The following RERE variants were observed in gnomAD, a reference collection of about 807,000 sequenced individuals.
RERE encodes the protein arginine-glutamic acid dipeptide repeats protein.
In RERE, 40 loss-of-function variants were observed where a neutral mutation model predicts 146.1. That is an observed-to-expected ratio of 0.27 (90% CI 0.21 to 0.36). RERE has a LOEUF of 0.36. RERE is among the 10% of genes least tolerant of loss of function. RERE has a pLI of 1.00. For missense variants in RERE, 1,933 were observed against 2,138.7 expected, an observed-to-expected ratio of 0.90 and a Z score of 1.90; for synonymous variants, 1,003 against 866.0, an observed-to-expected ratio of 1.16 and a Z score of -2.78.
At chr1:8,695,686 G>A (rs1284023540) in intron 1 of RERE, among the ~76,000 whole-genome samples, 1 of 151,708 alleles carries the variant, frequency 6.6e-6, no homozygotes, top group Non-Finnish European at 1.5e-5. Flanking sequence ...CTTGAACCTG[G>A]GAGGTGGAGG....
At chr1:8,455,718 T>C (rs1422956342) in intron 11 of RERE, among the ~76,000 whole-genome samples, 1 of 152,186 alleles carries the variant, frequency 6.6e-6, no homozygotes, top group Admixed American at 6.5e-5. Flanking sequence ...TTATTATCAA[T>C]CCTGCTCCAG....
At chr1:8,738,985 C>T (rs1462465825) in intron 1 of RERE, among the ~76,000 whole-genome samples, 1 of 152,120 alleles carries the variant, frequency 6.6e-6, no homozygotes, top group African/African-American at 2.4e-5. Flanking sequence ...ATCTCTCTCC[C>T]CAAATATGCT....
At chr1:8,408,094 A>G (rs987054304) in intron 12 of RERE, among the ~76,000 whole-genome samples, 1 of 152,296 alleles carries the variant, frequency 6.6e-6, no homozygotes, top group Admixed American at 6.5e-5. Flanking sequence ...GGGAGAACAT[A>G]GCTTCCCCTT....
At chr1:8,530,655 G>A (rs1203780194) in intron 7 of RERE, among the ~76,000 whole-genome samples, 1 of 149,522 alleles carries the variant, frequency 6.7e-6, no homozygotes, top group Non-Finnish European at 1.5e-5. Context: ...CGCATATCTA[G>A]ACATGGAACT....
intron 2 of RERE, among the ~76,000 whole-genome samples, chr1:8,650,921 T>TAAA (rs368854056): frequency 5.5e-5 from 8 of 144,330 alleles, no homozygotes; most frequent in African/African-American, 2.1e-4. Context: ...TTAAATTAAA[T>TAAA]TAAATAAATA....
At chr1:8,527,533 G>A (rs1272504880) in intron 7 of RERE, among the ~76,000 whole-genome samples, 3 of 152,116 alleles carry the variant, frequency 2.0e-5, no homozygotes, top group Non-Finnish European at 1.5e-5. Context: ...ATCAGTCTCT[G>A]AAAGCCCATG....
intron 8 of RERE, among the ~76,000 whole-genome samples, chr1:8,501,001 C>T (rs1645132071): frequency 8.0e-6 from 1 of 124,324 alleles, no homozygotes; most frequent in South Asian, 2.7e-4. Flanking sequence ...AAGTGAGGAG[C>T]GTCTCCGCCC....
chr1:8,770,081 C>T (rs1046297217), intron 1 of RERE, among the ~76,000 whole-genome samples: 2 of 152,098 alleles, frequency 1.3e-5, no homozygotes, highest in African/African-American at 2.4e-5. Flanking sequence ...TGAGCCACCG[C>T]GCCCGGCCAA....
chr1:8,789,301 A>AAAAAAAAAAAATATAT, intron 1 of RERE, among the ~76,000 whole-genome samples: 2 of 24,824 alleles, frequency 8.1e-5, no homozygotes, highest in African/African-American at 4.6e-4. Flanking sequence ...AAAAAAAAAA[A>AAAAAAAAAAAATATAT]ATATATATAT....
intron 1 of RERE, among the ~76,000 whole-genome samples, chr1:8,695,952 T>G (rs1276702013): frequency 2.0e-5 from 3 of 152,044 alleles, no homozygotes; most frequent in Admixed American, 6.5e-5. Flanking sequence ...AAAGAAGACA[T>G]ACAAGTGGCC....
chr1:8,377,235 C>T (rs1642286663), intron 12 of RERE, among the ~76,000 whole-genome samples: 1 of 152,232 alleles, frequency 6.6e-6, no homozygotes, highest in Non-Finnish European at 1.5e-5. Context: ...GCAGTTCCAA[C>T]ACAATTTCAC....
At chr1:8,703,932 G>A (rs1008029099) in intron 1 of RERE, among the ~76,000 whole-genome samples, 1 of 152,180 alleles carries the variant, frequency 6.6e-6, no homozygotes, top group East Asian at 1.9e-4. Context: ...CAAGCCATTT[G>A]TTTAAAAATC....
intron 7 of RERE, chr1:8,525,733 G>A (rs1432360650): frequency 8.2e-6 from 13 of 1,580,754 alleles, no homozygotes; most frequent in Admixed American, 5.6e-5. Flanking sequence ...TCACTGTTTC[G>A]GTGAGGCCAG....
At chr1:8,576,652 TA>T (rs993321851) in intron 4 of RERE, among the ~76,000 whole-genome samples, 8 of 152,124 alleles carry the variant, frequency 5.3e-5, no homozygotes, top group South Asian at 2.1e-4. Context: ...AAAACCATAA[TA>T]AAAAAATGCA....
chr1:8,590,943 A>T lies in RERE; in HGVS notation c.522+23618T>A, dbSNP rs77213025. 31 of 152,376 alleles carry T rather than the reference A, an allele frequency of 2.0e-4. No homozygotes were observed. The East Asian group carries it at 5.8e-3, about 28-fold the overall frequency. 9.4% of individuals were successfully genotyped at this position (152,376 alleles called of 1,614,324 possible). A position where few individuals can be genotyped will look rare whatever the true frequency, so the allele number is the denominator to read the frequency against. ...AGCTGAAGAACTGCTGAGTAGAAAG[A>T]GTCTGCAAACTATCCCGACTGCACT... On this transcript the variant is annotated intron_variant, in intron 4 of 22. Transcript: ENST00000400908.
intron 11 of RERE, 131 bp downstream of exon 11, chr1:8,465,794 C>G (rs1257572964): frequency 5.3e-6 from 4 of 748,102 alleles, no homozygotes; most frequent in Non-Finnish European, 9.5e-6. Flanking sequence ...ATCCTCCTGC[C>G]TGGCGCTGCC....
At chr1:8,631,517 G>A (rs1647035195) in intron 2 of RERE, among the ~76,000 whole-genome samples, 1 of 152,176 alleles carries the variant, frequency 6.6e-6, no homozygotes, top group South Asian at 2.1e-4. Context: ...GAACTCTGTG[G>A]AACAAGAAAA....
At chr1:8,701,374 C>T (rs1461599949) in intron 1 of RERE, among the ~76,000 whole-genome samples, 1 of 151,582 alleles carries the variant, frequency 6.6e-6, no homozygotes, top group Non-Finnish European at 1.5e-5. Flanking sequence ...TAATCACAAC[C>T]ATGTAGATTG....
Position 8,527,570 on chromosome 1 carries a change from A to G in RERE, c.830+13644T>C, listed in dbSNP as rs1016353247. Among the ~76,000 whole-genome samples the G allele has an allele frequency of 2.6e-5, 4 of 152,362 alleles. No homozygotes were observed. In the East Asian group the frequency reaches 5.8e-4, roughly 22 times the overall value. ...AACTGTTACATAGAGCACACTATAA[A>G]AACGGTTACTGTAACAGCAAGTTAA... On this transcript the variant is annotated intron_variant, in intron 7 of 22. Coordinates refer to ENST00000400908, the MANE Select transcript of RERE (RefSeq NM_001042681.2).
Sources: allele counts gnomAD v4.1 joint callset (sites outside exome capture counted in the v4.1 genomes callset), GRCh38; gene constraint gnomAD v4.1.1; transcripts MANE v1.5; gene names NCBI Gene and HGNC (gene_info 2026-07-23, HGNC 2026-07-21).